ECSCR: variants seen among roughly 807,000 people sequenced by gnomAD.
The protein encoded by ECSCR is endothelial cell-specific chemotaxis regulator.
A neutral mutation model predicts 16.7 loss-of-function variants in ECSCR; 12 were observed. The observed-to-expected ratio is 0.72, with a 90% CI of 0.46 to 1.17. The LOEUF (loss-of-function observed/expected upper bound fraction) is 1.17, where lower values mean the gene tolerates loss of function less well. Among genes scored for constraint, ECSCR ranks in the 50% most tolerant of loss-of-function variants. ECSCR has a pLI of 0.00. For synonymous variants in ECSCR, 44 were observed against 42.2 expected (o/e 1.04, Z -0.17); for missense variants, 122 against 116.1 (o/e 1.05, Z -0.23).
At chr5:139,452,335 G>GGTT (rs1751078490) in intron 8 of ECSCR, among the ~76,000 whole-genome samples, 1 of 128,142 alleles carries the variant, frequency 7.8e-6, no homozygotes, top group African/African-American at 2.9e-5. Context: ...GGGTGTGTGT[G>GGTT]TGTGATATGT....
intron 8 of ECSCR, among the ~76,000 whole-genome samples, chr5:139,451,779 T>C (rs1245685094): frequency 1.7e-5 from 2 of 117,814 alleles, no homozygotes; most frequent in African/African-American, 6.5e-5. Flanking sequence ...GTGTATAGTA[T>C]GGGTATGAGG....
intron 8 of ECSCR, among the ~76,000 whole-genome samples, chr5:139,452,435 G>A (rs1424853548): frequency 3.3e-5 from 5 of 150,954 alleles, no homozygotes; most frequent in South Asian, 2.1e-4. Context: ...TGTGTGGTTC[G>A]TGGGGTGTGT....
intron 8 of ECSCR, among the ~76,000 whole-genome samples, chr5:139,452,191 T>C (rs1368946571): frequency 4.3e-4 from 60 of 141,032 alleles, no homozygotes; most frequent in Non-Finnish European, 6.2e-5. Flanking sequence ...GTGTGAGTAG[T>C]GTGGGGTGTG....
At chr5:139,457,392 C>T (rs1442528613) in intron 4 of ECSCR, among the ~76,000 whole-genome samples, 153 bp downstream of exon 4, 1 of 152,164 alleles carries the variant, frequency 6.6e-6, no homozygotes, top group African/African-American at 2.4e-5. Flanking sequence ...CCCACCGCAG[C>T]CCTTCTCACC....
At chr5:139,459,235 G>A (rs1348092711) in intron 1 of ECSCR, among the ~76,000 whole-genome samples, 1 of 152,172 alleles carries the variant, frequency 6.6e-6, no homozygotes, top group Non-Finnish European at 1.5e-5. Flanking sequence ...CCAGGGAAGG[G>A]GCTGAGAGAC....
At chr5:139,448,930 G>T (rs2152087607) in intron 9 of ECSCR, 22 bp from the exon 10 acceptor site, 1 of 1,537,262 alleles carries the variant, frequency 6.5e-7, no homozygotes, top group Non-Finnish European at 8.7e-7. Context: ...ATGCATAATG[G>T]GGAAGGGTGA....
At chr5:139,454,694 G>T in intron 7 of ECSCR, 56 bp from the exon 8 acceptor site, 1 of 398,364 alleles carries the variant, frequency 2.5e-6, no homozygotes, top group African/African-American at 2.1e-5. Flanking sequence ...CAGAAGTCCA[G>T]CCTTCCTCTC....
At chr5:139,451,603 G>A (rs1751050594) in intron 8 of ECSCR, among the ~76,000 whole-genome samples, 1 of 147,232 alleles carries the variant, frequency 6.8e-6, no homozygotes, top group African/African-American at 2.5e-5. Flanking sequence ...TGTGTGTATG[G>A]TATGGGGGGA....
At position 139,462,627 on chromosome 5, in the gene ECSCR, C is replaced by T. The variant is rs752998682; in HGVS notation, c.44G>A (p.Gly15Asp). The T allele has an allele frequency of 1.9e-5, 30 of 1,597,494 alleles. No individual in the cohort carries two copies. In the South Asian group the frequency reaches 2.3e-4, roughly 12 times the overall value. The change falls in exon 1 of 10, where the codon GGC (glycine) becomes GAC (aspartate). Residue 15 changes from glycine (G) to aspartate (D), a missense_variant. By Grantham distance (94) the Gly-to-Asp change is moderately conservative (BLOSUM62 -1). Coordinates refer to ENST00000618155, the MANE Select transcript of ECSCR (RefSeq NM_001077693.4). ...CCTCTTACCTCGGAACAGGAGGAAGCCCAGGATCACCCAGCACAGCTGCAT... is the reference window on the plus strand; with the variant it reads ...CCTCTTACCTCGGAACAGGAGGAAGTCCAGGATCACCCAGCACAGCTGCAT... ...GAMQLCWVIL[G>D]FLLFRGHNSQ...
intron 1 of ECSCR, among the ~76,000 whole-genome samples, chr5:139,460,053 C>A (rs1038874320): frequency 6.6e-6 from 1 of 152,120 alleles, no homozygotes; most frequent in African/African-American, 2.4e-5. Context: ...TGGGGAGGAC[C>A]CTTGGAGAAT....
Position 139,462,688 on chromosome 5 carries a change from C to T in ECSCR, c.-18G>A, listed in dbSNP as rs527549624. The stretch of plus-strand genomic sequence containing the variant: ...GTGCCCATGTCAGCTGGGTATGTGG[C>T]GGGCAGGCAGCAGCTCAGTGGAGGC... On this transcript the variant is annotated 5_prime_UTR_variant, in exon 1 of 10. Transcript: ENST00000618155. The T allele has an allele frequency of 5.8e-5, 77 of 1,327,534 alleles. No homozygotes were observed. The highest frequency in any genetic ancestry group is 2.0e-4 in the East Asian group (4 of 19,684). The allele number at this position is 1,327,534 out of a possible 1,614,324, so 82.2% of individuals were successfully genotyped here. A position where few individuals can be genotyped will look rare whatever the true frequency, so the allele number is the denominator to read the frequency against.
chr5:139,448,874 G>C lies in ECSCR; in HGVS notation c.*26C>G, dbSNP rs1405352459. On this transcript the variant is annotated 3_prime_UTR_variant, in exon 10 of 10. Coordinates refer to ENST00000618155, the MANE Select transcript of ECSCR (RefSeq NM_001077693.4). The stretch of plus-strand genomic sequence containing the variant: ...GTCACAGGGCAGCTGCATCATCCTT[G>C]GACTCATGGGGACCCAAAGTTGCTT... 1.3e-6 allele frequency: 2 copies of C among 1,537,158 alleles called. No individual in the cohort carries two copies. Among genetic ancestry groups the C allele is most frequent in the Non-Finnish European group, 1.7e-6 (2 of 1,146,882 alleles).
In ECSCR at chr5:139,449,062, A is replaced by C; in HGVS notation, c.609+16T>G. ...GGTGAATTTGGGGAAGGAAGGCAGG[A>C]AACAGAAAAATGTACCTTCTCTGCT... On this transcript the variant is annotated intron_variant, in intron 9 of 9. Coordinates refer to ENST00000618155, the MANE Select transcript of ECSCR (RefSeq NM_001077693.4). 6.5e-7 allele frequency: 1 copy of C among 1,536,380 alleles called. No homozygotes were observed. The highest frequency in any genetic ancestry group is 1.4e-5 in the African/African-American group (1 of 73,136).
At chr5:139,449,731 T>C (rs1240476536) in intron 8 of ECSCR, among the ~76,000 whole-genome samples, 1 of 152,102 alleles carries the variant, frequency 6.6e-6, no homozygotes, top group Non-Finnish European at 1.5e-5. Flanking sequence ...TTTATTTTTT[T>C]AGTTTTTATT....
intron 5 of ECSCR, 96 bp from the exon 6 acceptor site, chr5:139,455,532 A>T (rs1219608613): frequency 5.1e-6 from 2 of 390,308 alleles, no homozygotes; most frequent in African/African-American, 4.1e-5. Context: ...GAAGGACCAG[A>T]ATTTATGCTG....
intron 5 of ECSCR, 72 bp downstream of exon 5, chr5:139,456,402 G>C: frequency 2.5e-6 from 1 of 397,880 alleles, no homozygotes; most frequent in Non-Finnish European, 4.4e-6. Flanking sequence ...GAGAGCCAAG[G>C]GATAAGACGA....
chr5:139,459,523 G>A (rs1751245462), intron 1 of ECSCR, among the ~76,000 whole-genome samples: 1 of 152,208 alleles, frequency 6.6e-6, no homozygotes, highest in Non-Finnish European at 1.5e-5. Flanking sequence ...GTATGTGCAT[G>A]CTCGTGTGCC....
At chr5:139,458,259 G>T in intron 1 of ECSCR, 76 bp from the exon 2 acceptor site, 1 of 1,406,096 alleles carries the variant, frequency 7.1e-7, no homozygotes, top group Non-Finnish European at 9.8e-7. Context: ...CCCTTAGAAT[G>T]CCTTCTGGCC....
intron 8 of ECSCR, among the ~76,000 whole-genome samples, chr5:139,449,982 G>A (rs1328346257): frequency 6.6e-6 from 1 of 151,716 alleles, no homozygotes; most frequent in Admixed American, 6.6e-5. Flanking sequence ...TGCAACCTCC[G>A]CCTCTGGGTT....
Sources: allele counts gnomAD v4.1 joint callset (sites outside exome capture counted in the v4.1 genomes callset), GRCh38; gene constraint gnomAD v4.1.1; transcripts MANE v1.5; gene names NCBI Gene and HGNC (gene_info 2026-07-23, HGNC 2026-07-21).